Variants in ATF6 observed in about 807,000 individuals in gnomAD.
ATF6 encodes cyclic AMP-dependent transcription factor ATF-6 alpha.
ATF6 carries 53 observed loss-of-function variants against 83.6 expected under a neutral mutation model. That is an observed-to-expected ratio of 0.63 (90% confidence interval 0.51 to 0.80). The LOEUF is 0.80. ATF6 is among the 30% of genes least tolerant of loss of function. The pLI, the probability that ATF6 is intolerant of heterozygous loss-of-function variation, is 0.00. For missense variants in ATF6, 744 were observed against 797.9 expected (o/e 0.93, Z 0.81); for synonymous variants, 288 against 285.8 (o/e 1.01, Z -0.08).
chr1:161,810,827 C>T (rs1011265136), intron 7 of ATF6, among the ~76,000 whole-genome samples: 1 of 152,076 alleles, frequency 6.6e-6, no homozygotes, highest in African/African-American at 2.4e-5. Flanking sequence ...GTGGAGTTGT[C>T]CCAGACATTT....
chr1:161,820,963 G>C (rs913710719), intron 8 of ATF6, 107 bp from the exon 9 acceptor site: 10 of 579,634 alleles, frequency 1.7e-5, no homozygotes, highest in Non-Finnish European at 2.9e-5. Context: ...GTATTTGTAA[G>C]ACAAGAGATT....
intron 14 of ATF6, among the ~76,000 whole-genome samples, chr1:161,878,023 A>C (rs1687251333): frequency 6.6e-6 from 1 of 152,160 alleles, no homozygotes; most frequent in Non-Finnish European, 1.5e-5. Flanking sequence ...GAGACATTCA[A>C]GGGAATGTGT....
At chr1:161,890,684 A>ACCT (rs1687532667) in intron 14 of ATF6, 1 of 152,272 alleles carries the variant, frequency 6.6e-6, no homozygotes, top group African/African-American at 2.4e-5. Context: ...ATTGGCCCCA[A>ACCT]ACCTCAGCAC....
chr1:161,852,544 T>C (rs1188909743), intron 11 of ATF6, among the ~76,000 whole-genome samples: 1 of 152,186 alleles, frequency 6.6e-6, no homozygotes, highest in Non-Finnish European at 1.5e-5. Flanking sequence ...TTCTCTACAA[T>C]GTGTCTCAAA....
chr1:161,823,580 G>C (rs1424808265), intron 9 of ATF6, among the ~76,000 whole-genome samples: 1 of 151,968 alleles, frequency 6.6e-6, no homozygotes, highest in Non-Finnish European at 1.5e-5. Context: ...CTGACTTCAG[G>C]CTTCTAAAAC....
rs1689151472 is a variant in ATF6 at position 161,963,768 on chromosome 1, G to A, written c.*5114G>A. On this transcript the variant is annotated 3_prime_UTR_variant, in exon 16 of 16. Coordinates refer to ENST00000367942, the MANE Select transcript of ATF6 (RefSeq NM_007348.4). ...CTAGCCTTAGAGGCACTGGTTTCCT[G>A]TTACCACTTTGGCAAGTATGGATGG... is the stretch of plus-strand genomic sequence containing the variant. The A allele has an allele frequency of 6.6e-6, 1 of 152,200 alleles. No homozygotes were observed. Among genetic ancestry groups the A allele is most frequent in the Non-Finnish European group, 1.5e-5 (1 of 68,042 alleles). The allele number at this position is 152,200 out of a possible 1,614,324, so 9.4% of individuals were successfully genotyped here. A position where few individuals can be genotyped will look rare whatever the true frequency, so the allele number is the denominator to read the frequency against.
intron 15 of ATF6, among the ~76,000 whole-genome samples, chr1:161,934,708 G>A (rs2341481): frequency 0.63 from 95,883 of 152,028 alleles, 32,017 homozygotes; most frequent in Non-Finnish European, 0.75. Flanking sequence ...GAACAGATAT[G>A]TTTTCATGGC....
chr1:161,800,284 T>G (rs1685114561), intron 6 of ATF6, among the ~76,000 whole-genome samples: 1 of 152,192 alleles, frequency 6.6e-6, no homozygotes, highest in Admixed American at 6.5e-5. Context: ...AAGTCTAACA[T>G]GAAATTCATT....
At chr1:161,956,123 A>T (rs1558040196) in intron 15 of ATF6, among the ~76,000 whole-genome samples, 1 of 152,148 alleles carries the variant, frequency 6.6e-6, no homozygotes. Context: ...GTGGGCTCTA[A>T]TGACTTCTGC....
chr1:161,829,374 C>G (rs1387437454), intron 9 of ATF6, among the ~76,000 whole-genome samples: 2 of 151,778 alleles, frequency 1.3e-5, no homozygotes, highest in African/African-American at 4.8e-5. Context: ...ACAGGGATAT[C>G]CAGGAATTGA....
intron 15 of ATF6, among the ~76,000 whole-genome samples, chr1:161,925,883 A>G (rs1688301710): frequency 6.6e-6 from 1 of 152,218 alleles, no homozygotes; most frequent in Non-Finnish European, 1.5e-5. Context: ...CATAGGGAAC[A>G]GTATAAGTAG....
chr1:161,873,199 T>C (rs1411171081), intron 14 of ATF6, among the ~76,000 whole-genome samples: 1 of 151,624 alleles, frequency 6.6e-6, no homozygotes, highest in Non-Finnish European at 1.5e-5. Context: ...TCAAAAGTCT[T>C]TTAAATCTTA....
intron 9 of ATF6, among the ~76,000 whole-genome samples, chr1:161,827,348 A>C (rs1274119103): frequency 6.6e-6 from 1 of 152,158 alleles, no homozygotes; most frequent in African/African-American, 2.4e-5. Flanking sequence ...TTTATTGAAC[A>C]AGTGTCACAT....
chr1:161,812,366 ATTTTCTTTTTTTTTTTTTTTTTTTTTT>A (rs1385988773), intron 7 of ATF6, among the ~76,000 whole-genome samples: 2 of 37,536 alleles, frequency 5.3e-5, no homozygotes, highest in African/African-American at 1.7e-4. Flanking sequence ...GGGAGCAGGT[ATTTTCTTTTTTTTTTTTTTTTTTTTTT>A]TTTTTTTTTT....
chr1:161,892,902 T>A (rs1195737646), intron 14 of ATF6, among the ~76,000 whole-genome samples: 1 of 152,058 alleles, frequency 6.6e-6, no homozygotes, highest in Non-Finnish European at 1.5e-5. Context: ...CCTCCCAAAG[T>A]GCTGGGATTA....
intron 10 of ATF6, among the ~76,000 whole-genome samples, chr1:161,850,455 G>A (rs777663435): frequency 9.9e-5 from 15 of 151,792 alleles, no homozygotes; most frequent in Non-Finnish European, 2.2e-4. Flanking sequence ...TCTCCTTCTC[G>A]GACCATTTTA....
intron 9 of ATF6, among the ~76,000 whole-genome samples, chr1:161,843,436 C>T (rs1217298580): frequency 6.6e-6 from 1 of 152,174 alleles, no homozygotes; most frequent in Non-Finnish European, 1.5e-5. Flanking sequence ...GTATTTACTA[C>T]ATGAATAAAT....
chr1:161,779,802 A>C (rs1218947247), intron 2 of ATF6, among the ~76,000 whole-genome samples: 1 of 152,022 alleles, frequency 6.6e-6, no homozygotes, highest in East Asian at 1.9e-4. Context: ...CAGTGGTTTG[A>C]TCTCGGCTCA....
chr1:161,931,282 C>A (rs1688427614), intron 15 of ATF6, among the ~76,000 whole-genome samples: 1 of 152,088 alleles, frequency 6.6e-6, no homozygotes, highest in African/African-American at 2.4e-5. Context: ...TTAAAAAATT[C>A]TTATAATTAA....
Sources: gnomAD v4.1 joint callset for allele counts (sites outside exome capture counted in the v4.1 genomes callset) on GRCh38, gnomAD v4.1.1 for gene constraint, MANE v1.5 for transcripts, NCBI Gene and HGNC (gene_info 2026-07-23, HGNC 2026-07-21) for gene names.